MAMDC4: variants seen among roughly 807,000 people sequenced by gnomAD.
The protein encoded by MAMDC4 is apical endosomal glycoprotein.
A neutral mutation model predicts 153.3 loss-of-function variants in MAMDC4; 168 were observed. The ratio of observed to expected loss-of-function variants is 1.10; its 90% confidence interval spans 0.97 to 1.25. The LOEUF (loss-of-function observed/expected upper bound fraction) is 1.25. MAMDC4 is among the 50% of genes most tolerant of loss of function. The probability of loss-of-function intolerance (pLI) is 0.00; values close to 1 mark genes in which losing one functional copy is unlikely to be tolerated. For missense variants in MAMDC4, 1,701 were observed against 1,542.8 expected, an observed-to-expected ratio of 1.10 and a Z score of -1.72; for synonymous variants, 744 against 651.5, an observed-to-expected ratio of 1.14 and a Z score of -2.16.
At position 136,859,278 on chromosome 9, in the gene MAMDC4, C is replaced by A. The variant is rs1192882261; in HGVS notation, c.3154C>A (p.Leu1052Met). 3 of 1,611,952 alleles carry A rather than the reference C, an allele frequency of 1.9e-6. No homozygotes were observed. Among genetic ancestry groups the A allele is most frequent in the Non-Finnish European group, 1.7e-6 (2 of 1,179,464 alleles). ...GPIALDDVEY[L>M]AGQHCQQPAP... ...CATTGCCCTGGATGACGTGGAGTAT[C>A]TGGCTGGGCAGCATTGCCAGCAGCC... Residue 1052 changes from leucine to methionine, a missense_variant, in exon 25 of 27, where the codon CTG (leucine) becomes ATG (methionine). By Grantham distance (15) the Leu-to-Met change is conservative. Coordinates refer to ENST00000317446, the MANE Select transcript of MAMDC4 (RefSeq NM_206920.3).
In MAMDC4 at chr9:136,853,856, TG is replaced by T; in HGVS notation, c.536del (p.Gly179AlafsTer7). On this transcript the variant is annotated frameshift_variant, in exon 5 of 27. Coordinates refer to ENST00000317446, the MANE Select transcript of MAMDC4 (RefSeq NM_206920.3). LOFTEE classifies it high-confidence loss of function. ...LWQSTGPWGP[G>X]WQELAVTTGR... ...GGCAGAGCACAGGGCCCTGGGGCCC[TG>T]GCTGGCAGGAGTTGGCAGTGACCAC... The T allele has an allele frequency of 1.9e-6, 3 of 1,612,556 alleles. No individual in the cohort carries two copies. The highest frequency in any genetic ancestry group is 2.5e-6 in the Non-Finnish European group (3 of 1,179,848).
Position 136,857,443 on chromosome 9 carries a change from G to C in MAMDC4, c.2183G>C (p.Cys728Ser). 2 of 1,608,342 alleles carry C rather than the reference G, an allele frequency of 1.2e-6. No individual in the cohort carries two copies. Among genetic ancestry groups the C allele is most frequent in the African/African-American group, 1.3e-5 (1 of 75,070 alleles). The stretch of plus-strand genomic sequence containing the variant: ...GATGTGGCCGTGCGGCCGGGCCCCT[G>C]CTGGGCCCCTAATTACTGCTCCTTT... ...LDDVAVRPGPCWAPNYCSFED... is the reference protein window; with the variant it reads ...LDDVAVRPGPSWAPNYCSFED... Residue 728 changes from cysteine to serine, a missense_variant, in exon 18 of 27, where the codon TGC (cysteine) becomes TCC (serine). Transcript: ENST00000317446.
chr9:136,852,587 G>A (rs1588390281), intron 1 of MAMDC4, 125 bp downstream of exon 1: 4 of 1,271,926 alleles, frequency 3.1e-6, no homozygotes, highest in Middle Eastern at 3.8e-4. Flanking sequence ...GGGTTGCAAG[G>A]TACTACCTTG....
rs1849047436 is a variant in MAMDC4, at chr9:136,858,928, C to T, written c.2956+75C>T. 3.3e-6 allele frequency: 5 copies of T among 1,533,512 alleles called. No homozygotes were observed. In the East Asian group the frequency reaches 1.2e-4, roughly 36 times the overall value. The allele number at this position is 1,533,512 out of a possible 1,614,324, so 95.0% of individuals were successfully genotyped here. On this transcript the variant is annotated intron_variant, in intron 23 of 26. Coordinates refer to ENST00000317446, the MANE Select transcript of MAMDC4 (RefSeq NM_206920.3). ...TCCAGGAGCAGAGGTGGGGAGGTGG[C>T]CTCCCCAGCCCGCCCCTGGTTAGGC...
chr9:136,857,361 C>G lies in MAMDC4; in HGVS notation c.2107-6C>G. ...CCCCTGGCCAGCTGACACCCTCCAC[C>G]CCCAGCTGCTGTTCGAGGGCCTCCG... On this transcript the variant is annotated splice_polypyrimidine_tract_variant and splice_region_variant and intron_variant, in intron 17 of 26. Transcript: ENST00000317446. 6.2e-7 allele frequency: 1 copy of G among 1,608,586 alleles called. No homozygotes were observed. Among genetic ancestry groups the G allele is most frequent in the Non-Finnish European group, 8.5e-7 (1 of 1,179,526 alleles).
Position 136,859,780 on chromosome 9 carries a change from C to A in MAMDC4, c.3194-106C>A, listed in dbSNP as rs896131140. 25 of 1,234,256 alleles carry A rather than the reference C, an allele frequency of 2.0e-5. 1 individual carries two copies. In the South Asian group the frequency reaches 3.2e-4, roughly 16 times the overall value. 76.5% of individuals were successfully genotyped at this position (1,234,256 alleles called of 1,614,324 possible). ...CCTCTGCCTTTGAAATAGGGGTGAACCCCAGGAGCCAGCAGAGGCTGAGGG... is the reference window on the plus strand; with the variant it reads ...CCTCTGCCTTTGAAATAGGGGTGAAACCCAGGAGCCAGCAGAGGCTGAGGG... On this transcript the variant is annotated intron_variant, in intron 25 of 26. Coordinates refer to ENST00000317446, the MANE Select transcript of MAMDC4 (RefSeq NM_206920.3).
Position 136,858,001 on chromosome 9 carries a change from G to A in MAMDC4, c.2487G>A (p.Glu829=), listed in dbSNP as rs1849031490. 5.3e-6 allele frequency: 8 copies of A among 1,521,272 alleles called. No individual in the cohort carries two copies. The highest frequency in any genetic ancestry group is 1.4e-5 in the African/African-American group (1 of 72,328). The allele number at this position is 1,521,272 out of a possible 1,614,324, so 94.2% of individuals were successfully genotyped here. A position where few individuals can be genotyped will look rare whatever the true frequency, so the allele number is the denominator to read the frequency against. The change falls in exon 20 of 27, where the codon GAG becomes GAA. Residue 829 remains glutamate (E), a synonymous_variant. Coordinates refer to ENST00000317446, the MANE Select transcript of MAMDC4 (RefSeq NM_206920.3). The part of the protein sequence containing the change: ...RSPGTLRVYL[E]ERGRHQVLSL... ...CAGGCACCCTGCGGGTCTACCTGGA[G>A]GAGCGCGGGAGGCACCAGGTGCTCA...
At position 136,858,801 on chromosome 9, in the gene MAMDC4, C is replaced by T; in HGVS notation, c.2904C>T (p.Thr968=). Residue 968 remains threonine (T), a synonymous_variant, in exon 23 of 27, where the codon ACC becomes ACT. Coordinates refer to ENST00000317446, the MANE Select transcript of MAMDC4 (RefSeq NM_206920.3). ...TGCGCAGCGAGCCTCTGCCGGCCAC[C>T]CCAGCCTCCTGCCTCCGCTTCTGGT... ...AWLRSEPLPA[T]PASCLRFWYH... 1.9e-6 allele frequency: 3 copies of T among 1,610,632 alleles called. No homozygotes were observed. The highest frequency in any genetic ancestry group is 1.7e-5 in the Admixed American group (1 of 59,712).
At position 136,859,070 on chromosome 9, in the gene MAMDC4, G is replaced by A. The variant is rs61745176; in HGVS notation, c.3022G>A (p.Gly1008Arg). 1,198 of 1,555,982 alleles carry A rather than the reference G, an allele frequency of 7.7e-4. No individual in the cohort carries two copies. The highest frequency in any genetic ancestry group is 1.0e-3 in the South Asian group (88 of 85,098). ...QGQLAVWGAG[G>R]HRRHQWLEAQ... ...CCAGCTGGCTGTGTGGGGCGCAGGCGGGCATCGGCGGCACCAGTGGCTGGA... is the reference window on the plus strand; with the variant it reads ...CCAGCTGGCTGTGTGGGGCGCAGGCAGGCATCGGCGGCACCAGTGGCTGGA... Residue 1008 changes from glycine (G) to arginine (R), a missense_variant, in exon 24 of 27, where the codon GGG becomes AGG. Coordinates refer to ENST00000317446, the MANE Select transcript of MAMDC4 (RefSeq NM_206920.3).
At position 136,857,675 on chromosome 9, in the gene MAMDC4, G is replaced by A; in HGVS notation, c.2343G>A (p.Val781=). The A allele has an allele frequency of 6.8e-6, 11 of 1,612,544 alleles. No individual in the cohort carries two copies. Among genetic ancestry groups the A allele is most frequent in the East Asian group, 2.2e-5 (1 of 44,846 alleles). The change falls in exon 19 of 27, where the codon GTG becomes GTA. Residue 781 remains valine (V), a synonymous_variant. Coordinates refer to ENST00000317446, the MANE Select transcript of MAMDC4 (RefSeq NM_206920.3). ...CACCTCCAGGGCACTACATGGTGGT[G>A]GACACAAGCCCAGACGCACTACCCC... The part of the protein sequence containing the change: ...TETAQGHYMV[V]DTSPDALPRG...
chr9:136,855,956 C>T, intron 13 of MAMDC4, 62 bp from the exon 14 acceptor site: 3 of 1,563,650 alleles, frequency 1.9e-6, no homozygotes, highest in East Asian at 2.3e-5. Flanking sequence ...ACTGGGGATC[C>T]CTGAGGGACA....
chr9:136,855,261 T>G lies in MAMDC4; in HGVS notation c.1205T>G (p.Leu402Arg), dbSNP rs769481308. Reference sequence around the variant, plus strand: ...GAGCCCCTCTGCCCTCAGATCCTCCTGGCCGGGCAGACAGGCCCGGGGGGC... The same window carrying G: ...GAGCCCCTCTGCCCTCAGATCCTCCGGGCCGGGCAGACAGGCCCGGGGGGC... The part of the protein sequence containing the change: ...IQSAYPFQIL[L>R]AGQTGPGGVV... The change falls in exon 11 of 27, where the codon CTG (leucine) becomes CGG (arginine). Residue 402 changes from leucine to arginine, a missense_variant. Leu to Arg is a moderately radical substitution (Grantham distance 102). Coordinates refer to ENST00000317446, the MANE Select transcript of MAMDC4 (RefSeq NM_206920.3). 2 of 1,595,616 alleles carry G rather than the reference T, an allele frequency of 1.3e-6. No homozygotes were observed. The highest frequency in any genetic ancestry group is 1.7e-6 in the Non-Finnish European group (2 of 1,170,904).
Position 136,858,203 on chromosome 9 carries a change from G to A in MAMDC4, c.2601G>A (p.Val867=). The A allele has an allele frequency of 6.3e-7, 1 of 1,594,924 alleles. No individual in the cohort carries two copies. The highest frequency in any genetic ancestry group is 8.5e-7 in the Non-Finnish European group (1 of 1,175,250). The change falls in exon 21 of 27, where the codon GTG becomes GTA. Residue 867 remains valine (V), a synonymous_variant. Coordinates refer to ENST00000317446, the MANE Select transcript of MAMDC4 (RefSeq NM_206920.3). ...CCCGCCAGGTGGTGTTTGAGGCAGT[G>A]GCCGCAGGCGTGGCACACTCCTACG... ...ERAWRVVFEA[V]AAGVAHSYVA...
intron 10 of MAMDC4, 56 bp downstream of exon 10, chr9:136,855,166 G>C (rs962885674): frequency 6.4e-7 from 1 of 1,569,544 alleles, no homozygotes. Context: ...CAGGGGAGGG[G>C]AACCCACAAG....
Position 136,858,784 on chromosome 9 carries a change from G to A in MAMDC4, c.2887G>A (p.Glu963Lys), listed in dbSNP as rs774182353. The change falls in exon 23 of 27, where the codon GAG becomes AAG. Residue 963 changes from glutamate to lysine, a missense_variant. Glu to Lys is a moderately conservative substitution (Grantham distance 56). Coordinates refer to ENST00000317446, the MANE Select transcript of MAMDC4 (RefSeq NM_206920.3). ...GGGCCGGGCCGCCTGGCTGCGCAGCGAGCCTCTGCCGGCCACCCCAGCCTC... is the reference window on the plus strand; with the variant it reads ...GGGCCGGGCCGCCTGGCTGCGCAGCAAGCCTCTGCCGGCCACCCCAGCCTC... ...PGGRAAWLRSEPLPATPASCL... is the reference protein window; with the variant it reads ...PGGRAAWLRSKPLPATPASCL... 1.1e-5 allele frequency: 17 copies of A among 1,610,566 alleles called. No individual in the cohort carries two copies. Among genetic ancestry groups the A allele is most frequent in the Admixed American group, 6.7e-5 (4 of 59,662 alleles).
chr9:136,855,405 T>TCCTGACACCAGTTCTGCCC (rs750819462), intron 11 of MAMDC4, 26 bp from the exon 12 acceptor site: 1 of 1,604,238 alleles, frequency 6.2e-7, no homozygotes, highest in Non-Finnish European at 8.5e-7. Flanking sequence ...CATCCCTGCC[T>TCCTGACACCAGTTCTGCCC]CCTGACACCA....
chr9:136,852,733 T>A (rs1444509143), intron 1 of MAMDC4, among the ~76,000 whole-genome samples: 1 of 152,186 alleles, frequency 6.6e-6, no homozygotes, highest in Non-Finnish European at 1.5e-5. Context: ...CCAGCCTTCA[T>A]CTGCCACCCT....
chr9:136,855,109 A>T lies in MAMDC4; in HGVS notation c.1196A>T (p.Gln399Leu), dbSNP rs770688724. 15 of 1,572,170 alleles carry T rather than the reference A, an allele frequency of 9.5e-6. No homozygotes were observed. Among genetic ancestry groups the T allele is most frequent in the Non-Finnish European group, 1.3e-5 (15 of 1,159,162 alleles). ...RVDIQSAYPF[Q>L]ILLAGQTGPG... ...GACATCCAGAGCGCCTACCCCTTCC[A>T]GGTAGGGAACAGCAAGAGGGTGGGG... The change falls in exon 10 of 27, where the codon CAG (glutamine) becomes CTG (leucine). Residue 399 changes from glutamine to leucine, a missense_variant and splice_region_variant. Gln to Leu is a moderately radical substitution (Grantham distance 113, BLOSUM62 -2). Coordinates refer to ENST00000317446, the MANE Select transcript of MAMDC4 (RefSeq NM_206920.3).
Position 136,854,615 on chromosome 9 carries a change from C to T in MAMDC4, c.873C>T (p.Arg291=), listed in dbSNP as rs7869864. 1,211,233 of 1,605,996 alleles carry T rather than the reference C, an allele frequency of 0.75. 458,640 individuals are homozygous for T. The highest frequency in any genetic ancestry group is 0.88 in the East Asian group (39,136 of 44,376). Reference sequence around the variant, plus strand: ...CGGAAGGCTGGTCCCGGAACCACCGCGCTGGTGGTCCTGAGCGCCCCTCCT... The same window carrying T: ...CGGAAGGCTGGTCCCGGAACCACCGTGCTGGTGGTCCTGAGCGCCCCTCCT... The part of the protein sequence containing the change: ...NRSEGWSRNH[R]AGGPERPSWP... The change falls in exon 8 of 27, where the codon CGC becomes CGT. Residue 291 remains arginine (R), a synonymous_variant. Transcript: ENST00000317446.
Sources: allele counts gnomAD v4.1 joint callset (sites outside exome capture counted in the v4.1 genomes callset), GRCh38; gene constraint gnomAD v4.1.1; transcripts MANE v1.5; gene names NCBI Gene and HGNC (gene_info 2026-07-23, HGNC 2026-07-21).